The following CHSY3 variants were observed in gnomAD, a reference collection of about 807,000 sequenced individuals.
The protein encoded by CHSY3 is chondroitin sulfate synthase 3.
A neutral mutation model predicts 67.2 loss-of-function variants in CHSY3; 35 were observed. The observed-to-expected ratio is 0.52, with a 90% confidence interval of 0.40 to 0.69. The LOEUF is 0.69. Among genes scored for constraint, CHSY3 ranks in the 30% least tolerant of loss-of-function variants. The pLI is 0.00. For missense variants in CHSY3, 1,069 were observed against 1,138.5 expected, an observed-to-expected ratio of 0.94 and a Z score of 0.88; for synonymous variants, 474 against 434.7, an observed-to-expected ratio of 1.09 and a Z score of -1.12.
At chr5:130,161,066 A>T (rs1041748476) in intron 2 of CHSY3, among the ~76,000 whole-genome samples, 12 of 151,316 alleles carry the variant, frequency 7.9e-5, no homozygotes, top group African/African-American at 2.9e-4. Context: ...CACCACGCCC[A>T]TCTAATTTTT....
chr5:130,130,291 T>G (rs1342241271), intron 2 of CHSY3, among the ~76,000 whole-genome samples: 1 of 152,162 alleles, frequency 6.6e-6, no homozygotes, highest in Non-Finnish European at 1.5e-5. Flanking sequence ...TATGCATTTC[T>G]GACTTCCAAA....
chr5:130,160,906 TTTA>T lies in CHSY3; in HGVS notation c.1087-23320_1087-23318del, dbSNP rs1447973348. ...TTATTTATTTATTTATTTTTTTTTT[TTTA>T]TTTTTTTTTTTTTGAGACGGAGTCT... On this transcript the variant is annotated intron_variant, in intron 2 of 2. Coordinates refer to ENST00000305031, the MANE Select transcript of CHSY3 (RefSeq NM_175856.5). Among the ~76,000 whole-genome samples the T allele has an allele frequency of 4.3e-4, 60 of 140,950 alleles. 1 individual carries two copies. Among genetic ancestry groups the T allele is most frequent in the Admixed American group, 1.9e-3 (27 of 14,176 alleles). The allele number at this position is 140,950 out of a possible 152,430, so 92.5% of individuals were successfully genotyped here.
chr5:129,906,307 C>T (rs1760297336), intron 1 of CHSY3, among the ~76,000 whole-genome samples: 1 of 152,098 alleles, frequency 6.6e-6, no homozygotes, highest in South Asian at 2.1e-4. Context: ...CCCATCCCCC[C>T]GCCACACCTC....
intron 2 of CHSY3, among the ~76,000 whole-genome samples, chr5:130,039,151 C>G (rs1764938896): frequency 6.6e-6 from 1 of 152,056 alleles, no homozygotes; most frequent in Non-Finnish European, 1.5e-5. Context: ...GTGGCAGATT[C>G]CCTTTGTAGG....
In CHSY3 at chr5:129,905,429, G is replaced by A. The variant is rs372553323; in HGVS notation, c.600G>A (p.Pro200=). Residue 200 remains proline (P), a synonymous_variant, in exon 1 of 3, where the codon CCG becomes CCA. Transcript: ENST00000305031. ...AAQRTWARFI[P]GRVEFFSSQQ... is the part of the protein sequence containing the mutation. ...AGCGGACCTGGGCGCGTTTCATCCC[G>A]GGCCGCGTGGAGTTCTTTTCCAGCC... 2 of 1,611,096 alleles carry A rather than the reference G, an allele frequency of 1.2e-6. No individual in the cohort carries two copies. Among genetic ancestry groups the A allele is most frequent in the Non-Finnish European group, 1.7e-6 (2 of 1,179,656 alleles).
intron 2 of CHSY3, among the ~76,000 whole-genome samples, chr5:130,057,008 C>T (rs1008450320): frequency 5.4e-5 from 8 of 148,384 alleles, no homozygotes; most frequent in Admixed American, 4.0e-4. Flanking sequence ...ACTGCAAGCT[C>T]CTCCTCCCGG....
intron 2 of CHSY3, among the ~76,000 whole-genome samples, chr5:129,999,947 C>A (rs934132896): frequency 1.3e-5 from 2 of 151,930 alleles, no homozygotes; most frequent in Non-Finnish European, 2.9e-5. Context: ...TGATTCCATC[C>A]CATTTATCTT....
chr5:130,180,148 T>C (rs1262315725), intron 2 of CHSY3, among the ~76,000 whole-genome samples: 1 of 152,168 alleles, frequency 6.6e-6, no homozygotes, highest in Non-Finnish European at 1.5e-5. Context: ...CTTGAACCCT[T>C]TGGGCACTGA....
intron 2 of CHSY3, among the ~76,000 whole-genome samples, chr5:130,135,574 A>C (rs1051341372): frequency 6.6e-6 from 1 of 152,186 alleles, no homozygotes; most frequent in East Asian, 1.9e-4. Flanking sequence ...TCACAGTCTC[A>C]AACTCAATTT....
chr5:130,033,168 A>G lies in CHSY3; in HGVS notation c.1086+124808A>G, dbSNP rs147583772. Among the ~76,000 whole-genome samples the G allele has an allele frequency of 9.5e-3, 1,443 of 152,066 alleles. 20 individuals are homozygous for G. The highest frequency in any genetic ancestry group is 0.033 in the African/African-American group (1,353 of 41,482). ...CTCCATTTGTAAAAGTCCTCTAGCA[A>G]CTCTGTTGATACTCCTATAATCAAA... On this transcript the variant is annotated intron_variant, in intron 2 of 2. Coordinates refer to ENST00000305031, the MANE Select transcript of CHSY3 (RefSeq NM_175856.5).
intron 2 of CHSY3, among the ~76,000 whole-genome samples, chr5:129,953,047 G>GGT (rs375873032): frequency 0.011 from 1,616 of 152,080 alleles, 29 homozygotes; most frequent in African/African-American, 0.037. Context: ...TTGTTACATA[G>GGT]GTATACACAT....
At chr5:130,128,575 G>T (rs892163115) in intron 2 of CHSY3, among the ~76,000 whole-genome samples, 1 of 152,006 alleles carries the variant, frequency 6.6e-6, no homozygotes, top group African/African-American at 2.4e-5. Context: ...AAGATAAGTG[G>T]AGATCCTTTA....
At chr5:129,959,835 C>T (rs1762280773) in intron 2 of CHSY3, among the ~76,000 whole-genome samples, 1 of 151,962 alleles carries the variant, frequency 6.6e-6, no homozygotes, top group Non-Finnish European at 1.5e-5. Flanking sequence ...CCTTTTATTG[C>T]AAGTGATGCG....
At chr5:129,913,464 A>T (rs1760635055) in intron 2 of CHSY3, among the ~76,000 whole-genome samples, 1 of 152,220 alleles carries the variant, frequency 6.6e-6, no homozygotes, top group Admixed American at 6.5e-5. Flanking sequence ...ATTTTATTAT[A>T]GATATGTTTT....
At chr5:130,179,537 T>C (rs1770182593) in intron 2 of CHSY3, among the ~76,000 whole-genome samples, 1 of 151,820 alleles carries the variant, frequency 6.6e-6, no homozygotes, top group African/African-American at 2.4e-5. Context: ...TTTTTAATCA[T>C]TTCTTTATTT....
chr5:130,069,777 T>C (rs1218363187), intron 2 of CHSY3, among the ~76,000 whole-genome samples: 1 of 152,056 alleles, frequency 6.6e-6, no homozygotes, highest in East Asian at 1.9e-4. Context: ...TCTGATAACA[T>C]GGAAAACAAA....
chr5:130,116,057 A>C (rs1767788410), intron 2 of CHSY3, among the ~76,000 whole-genome samples: 1 of 152,146 alleles, frequency 6.6e-6, no homozygotes. Flanking sequence ...TGACCAACCT[A>C]AGTGCATTAT....
intron 2 of CHSY3, among the ~76,000 whole-genome samples, chr5:129,998,998 A>C (rs1763635763): frequency 6.6e-6 from 1 of 152,058 alleles, no homozygotes; most frequent in South Asian, 2.1e-4. Context: ...TTCCTACTCC[A>C]AGATTAGGTT....
chr5:129,987,402 A>G (rs1355354886), intron 2 of CHSY3, among the ~76,000 whole-genome samples: 2 of 152,228 alleles, frequency 1.3e-5, no homozygotes, highest in Admixed American at 6.5e-5. Flanking sequence ...AATGTTTATT[A>G]TGACAGATTT....
Sources: gnomAD v4.1 joint callset for allele counts (sites outside exome capture counted in the v4.1 genomes callset) on GRCh38, gnomAD v4.1.1 for gene constraint, MANE v1.5 for transcripts, NCBI Gene and HGNC (gene_info 2026-07-23, HGNC 2026-07-21) for gene names.